Variants in ALG12 observed in about 807,000 individuals in gnomAD.
ALG12 encodes the protein dol-P-Man:Man(7)GlcNAc(2)-PP-Dol alpha-1,6-mannosyltransferase.
A neutral mutation model predicts 46.0 loss-of-function variants in ALG12; 36 were observed. The observed-to-expected ratio is 0.78, with a 90% confidence interval of 0.60 to 1.03. The LOEUF (loss-of-function observed/expected upper bound fraction) is 1.03, where lower values mean the gene tolerates loss of function less well. Ranked by LOEUF, ALG12 falls within the 50% of genes least tolerant of loss-of-function variation. The pLI, the probability that ALG12 is intolerant of heterozygous loss-of-function variation, is 0.00. For missense variants in ALG12, 599 were observed against 633.5 expected, an observed-to-expected ratio of 0.95 and a Z score of 0.58; for synonymous variants, 326 against 291.6, an observed-to-expected ratio of 1.12 and a Z score of -1.20.
chr22:49,884,793 A>T, the ALG12 span: 1 of 1,609,088 alleles, frequency 6.2e-7, no homozygotes, highest in Admixed American at 1.7e-5. Context: ...CGTCTCCAGT[A>T]AAGCCGGTCA....
Position 49,906,671 on chromosome 22 carries a change from G to A in ALG12, c.992+1050C>T, listed in dbSNP as rs889199548. 2.6e-5 allele frequency among the ~76,000 whole-genome samples: 4 copies of A among 152,180 alleles called. No homozygotes were observed. Among genetic ancestry groups the A allele is most frequent in the African/African-American group, 7.2e-5 (3 of 41,454 alleles). On this transcript the variant is annotated intron_variant, in intron 7 of 9. Coordinates refer to ENST00000330817, the MANE Select transcript of ALG12 (RefSeq NM_024105.4). The surrounding 1 kb of genome is among the most constrained non-coding windows in gnomAD (Gnocchi z 4.4). Reference sequence around the variant, plus strand: ...TGGGCACCTCTCAATGCCCCAGGCCGCGGCCCTCCTGGCCTGTAGCCCTGC... The same window carrying A: ...TGGGCACCTCTCAATGCCCCAGGCCACGGCCCTCCTGGCCTGTAGCCCTGC...
chr22:49,898,993 T>TA (rs2060493864), downstream of ALG12, among the ~76,000 whole-genome samples: 1 of 152,066 alleles, frequency 6.6e-6, no homozygotes, highest in Non-Finnish European at 1.5e-5. Context: ...CACACCATGT[T>TA]AAAAAATTAA....
At chr22:49,862,654 G>A in the ALG12 span, among the ~76,000 whole-genome samples, 2 of 133,684 alleles carry the variant, frequency 1.5e-5, no homozygotes, top group Middle Eastern at 4.1e-3. Flanking sequence ...TTGTTGTTTT[G>A]ACTGAACTGA....
At chr22:49,874,829 C>T in the ALG12 span, among the ~76,000 whole-genome samples, 18 of 151,768 alleles carry the variant, frequency 1.2e-4, no homozygotes, top group South Asian at 6.3e-4. Context: ...AAAACAGGTG[C>T]GTGCCACCAT....
chr22:49,885,926 C>T, the ALG12 span: 15 of 870,516 alleles, frequency 1.7e-5, no homozygotes, highest in African/African-American at 6.7e-5. Context: ...TCCTTCGAGT[C>T]GCCAGCCCGG....
chr22:49,904,449 T>C lies in ALG12; in HGVS notation c.1050A>G (p.Gly350=). ...AGTAGGCGGCATTCACCACGAGGTG[T>C]CCGATCACAAGCAGAGACCCCGCTT... ...LYKAGSLLVI[G]HLVVNAAYSA... The change falls in exon 8 of 10, where the codon GGA becomes GGG. Residue 350 remains glycine, a synonymous_variant. Coordinates refer to ENST00000330817, the MANE Select transcript of ALG12 (RefSeq NM_024105.4). 6.2e-7 allele frequency: 1 copy of C among 1,614,100 alleles called. No individual in the cohort carries two copies. The highest frequency in any genetic ancestry group is 8.5e-7 in the Non-Finnish European group (1 of 1,180,010).
the ALG12 span, among the ~76,000 whole-genome samples, chr22:49,873,191 G>A: frequency 3.9e-4 from 59 of 152,296 alleles, 1 homozygote; most frequent in South Asian, 4.3e-3. Flanking sequence ...GAGTCCTAGC[G>A]TTGGCCTCTC....
At chr22:49,907,228 C>A (rs1203042259) in intron 7 of ALG12, among the ~76,000 whole-genome samples, 1 of 152,216 alleles carries the variant, frequency 6.6e-6, no homozygotes, top group South Asian at 2.1e-4. Flanking sequence ...TCAGAGCCTC[C>A]CAGGCCTGGC....
chr22:49,878,043 G>T, the ALG12 span, among the ~76,000 whole-genome samples: 4 of 152,140 alleles, frequency 2.6e-5, no homozygotes, highest in Non-Finnish European at 5.9e-5. Flanking sequence ...GGTGGCTCAT[G>T]CCTGTAATCC....
the ALG12 span, chr22:49,886,828 A>G: frequency 6.2e-7 from 1 of 1,613,904 alleles, no homozygotes; most frequent in Non-Finnish European, 8.5e-7. The surrounding 1 kb of genome is among the most constrained non-coding windows in gnomAD (Gnocchi z 7.7). Flanking sequence ...CTCCCCGTCG[A>G]AAGACTCTGC....
chr22:49,878,867 A>G, the ALG12 span, among the ~76,000 whole-genome samples: 98,923 of 151,856 alleles, frequency 0.65, 35,969 homozygotes, highest in East Asian at 0.85. Flanking sequence ...GGAGTGGGCC[A>G]GGCGTGGTGG....
At chr22:49,890,525 CAA>C in the ALG12 span, among the ~76,000 whole-genome samples, 1 of 152,036 alleles carries the variant, frequency 6.6e-6, no homozygotes. Context: ...AATGAGGAAA[CAA>C]AGTCAGAAGG....
At chr22:49,896,878 T>A (rs2060485351), downstream of ALG12, among the ~76,000 whole-genome samples, 1 of 151,960 alleles carries the variant, frequency 6.6e-6, no homozygotes, top group Admixed American at 6.6e-5. Flanking sequence ...TGACCTCAGC[T>A]GATCCACCTA....
rs1254596995 is a variant in ALG12, at chr22:49,906,407, A to C, written c.992+1314T>G. ...AGAGGCAGAGCTCCCAGGAGCCCCC[A>C]CTGAGGCGCGGCTACAGCAGCCAGA... On this transcript the variant is annotated intron_variant, in intron 7 of 9. Coordinates refer to ENST00000330817, the MANE Select transcript of ALG12 (RefSeq NM_024105.4). The surrounding 1 kb of genome is among the most constrained non-coding windows in gnomAD (Gnocchi z 4.4). Among the ~76,000 whole-genome samples the C allele has an allele frequency of 6.6e-6, 1 of 151,990 alleles. No individual in the cohort carries two copies. The highest frequency in any genetic ancestry group is 1.9e-4 in the East Asian group (1 of 5,182).
At chr22:49,882,107 G>A in the ALG12 span, among the ~76,000 whole-genome samples, 1 of 152,188 alleles carries the variant, frequency 6.6e-6, no homozygotes, top group African/African-American at 2.4e-5. Context: ...CTTGGTTCCT[G>A]CATGGTGGAG....
Position 49,913,505 on chromosome 22 carries a change from C to G in ALG12, c.175G>C (p.Glu59Gln). 6.2e-7 allele frequency: 1 copy of G among 1,613,992 alleles called. No individual in the cohort carries two copies. Among genetic ancestry groups the G allele is most frequent in the Non-Finnish European group, 8.5e-7 (1 of 1,180,040 alleles). ...GTCCTGGGGACGACTCCGGGGAACTCAAGATGGTCGTACTGCGAGGAGAAG... is the reference window on the plus strand; with the variant it reads ...GTCCTGGGGACGACTCCGGGGAACTGAAGATGGTCGTACTGCGAGGAGAAG... ...WQDLEQYDHL[E>Q]FPGVVPRTFL... The change falls in exon 3 of 10, where the codon GAG becomes CAG. Residue 59 changes from glutamate to glutamine, a missense_variant. By Grantham distance (29) the Glu-to-Gln change is conservative (BLOSUM62 2). Coordinates refer to ENST00000330817, the MANE Select transcript of ALG12 (RefSeq NM_024105.4).
the ALG12 span, chr22:49,886,245 C>T: frequency 2.0e-4 from 209 of 1,067,548 alleles, 1 homozygote; most frequent in African/African-American, 3.0e-3. This position sits in a 1 kb window ranked among gnomAD's most constrained non-coding sequence, Gnocchi z 7.7. Flanking sequence ...AGCGGGTGCA[C>T]CGGTCGCCCA....
the ALG12 span, among the ~76,000 whole-genome samples, chr22:49,867,092 T>C: frequency 6.6e-6 from 1 of 152,234 alleles, no homozygotes; most frequent in Non-Finnish European, 1.5e-5. Flanking sequence ...ATCCATTTGG[T>C]GGGTTGTATT....
At position 49,901,859 on chromosome 22, in the gene ALG12, GT is replaced by G. The variant is rs2060509734; in HGVS notation, c.*1978del. 7.0e-6 allele frequency: 1 copy of G among 143,876 alleles called. No individual in the cohort carries two copies. Among genetic ancestry groups the G allele is most frequent in the Non-Finnish European group, 1.5e-5 (1 of 66,242 alleles). 8.9% of individuals were successfully genotyped at this position (143,876 alleles called of 1,614,324 possible). A position where few individuals can be genotyped will look rare whatever the true frequency, so the allele number is the denominator to read the frequency against. On this transcript the variant is annotated 3_prime_UTR_variant, in exon 10 of 10. Coordinates refer to ENST00000330817, the MANE Select transcript of ALG12 (RefSeq NM_024105.4). ...CATGGTGTGTGCACGTGTGCACTGT[GT>G]GTGGTGTGTATTCATGGTGTGTGCA...
Sources: allele counts gnomAD v4.1 joint callset (sites outside exome capture counted in the v4.1 genomes callset), GRCh38; gene constraint gnomAD v4.1.1; non-coding constraint Gnocchi (gnomAD v3.1); transcripts MANE v1.5; gene names NCBI Gene and HGNC (gene_info 2026-07-23, HGNC 2026-07-21).